ADAMTS5: variants seen among roughly 807,000 people sequenced by gnomAD.
ADAMTS5 encodes the protein ADAM metallopeptidase with thrombospondin type 1 motif 5, also known as A disintegrin and metalloproteinase with thrombospondin motifs 5.
Under a neutral mutation model 81.4 loss-of-function variants are expected in ADAMTS5, and 54 were observed. The observed-to-expected ratio is 0.66, with a 90% CI of 0.53 to 0.83. ADAMTS5 has a LOEUF of 0.83. ADAMTS5 is among the 40% of genes least tolerant of loss of function. The probability of loss-of-function intolerance (pLI) is 0.00; values close to 1 mark genes in which losing one functional copy is unlikely to be tolerated. For missense variants in ADAMTS5, 1,194 were observed against 1,229.9 expected (o/e 0.97, Z 0.44); for synonymous variants, 532 against 508.8 (o/e 1.05, Z -0.61).
chr21:26,926,296 C>T (rs1409274862), intron 7 of ADAMTS5, among the ~76,000 whole-genome samples: 1 of 152,154 alleles, frequency 6.6e-6, no homozygotes, highest in Non-Finnish European at 1.5e-5. Flanking sequence ...TAACATCTTA[C>T]ACAAAAAGAG....
At position 26,923,544 on chromosome 21, in the gene ADAMTS5, A is replaced by T. The variant is rs965073695; in HGVS notation, c.*509T>A. ...AAAATATCCACAGCTCTTTCTGGAA[A>T]CGGAAGGAAGTTGAAATAGCTGCAG... On this transcript the variant is annotated 3_prime_UTR_variant, in exon 8 of 8. Coordinates refer to ENST00000284987, the MANE Select transcript of ADAMTS5 (RefSeq NM_007038.5). The T allele has an allele frequency of 2.0e-5, 3 of 152,782 alleles. No individual in the cohort carries two copies. The highest frequency in any genetic ancestry group is 7.2e-5 in the African/African-American group (3 of 41,450). 9.5% of individuals were successfully genotyped at this position (152,782 alleles called of 1,614,324 possible). A position where few individuals can be genotyped will look rare whatever the true frequency, so the allele number is the denominator to read the frequency against.
At chr21:26,928,651 C>A (rs751988333) in intron 7 of ADAMTS5, among the ~76,000 whole-genome samples, 2 of 148,274 alleles carry the variant, frequency 1.3e-5, no homozygotes, top group African/African-American at 5.0e-5. Flanking sequence ...TTTCTCTTTC[C>A]TTTGTCTTTC....
In ADAMTS5 at chr21:26,919,783, C is replaced by G. The variant is rs1600993541; in HGVS notation, c.*4270G>C. ...ATTCTTAGGAAGATTTTTCAATGTACTAGCCAGTTAAGTTGATCTATCTGT... is the reference window on the plus strand; with the variant it reads ...ATTCTTAGGAAGATTTTTCAATGTAGTAGCCAGTTAAGTTGATCTATCTGT... On this transcript the variant is annotated 3_prime_UTR_variant, in exon 8 of 8. Transcript: ENST00000284987. The G allele has an allele frequency of 6.6e-6, 1 of 152,022 alleles. No homozygotes were observed. Among genetic ancestry groups the G allele is most frequent in the Non-Finnish European group, 1.5e-5 (1 of 67,984 alleles). The allele number at this position is 152,022 out of a possible 1,614,324, so 9.4% of individuals were successfully genotyped here.
chr21:26,943,263 A>C, intron 3 of ADAMTS5, 117 bp downstream of exon 3: 1 of 1,045,028 alleles, frequency 9.6e-7, no homozygotes, highest in East Asian at 2.6e-5. Flanking sequence ...TTCTGACACT[A>C]TCCACACAAC....
chr21:26,963,962 C>A (rs1011003977), intron 1 of ADAMTS5, among the ~76,000 whole-genome samples: 1 of 152,118 alleles, frequency 6.6e-6, no homozygotes, highest in Non-Finnish European at 1.5e-5. Flanking sequence ...TTTCTCTACT[C>A]CAAATTTATC....
At chr21:26,946,595 T>G (rs899193721) in intron 2 of ADAMTS5, among the ~76,000 whole-genome samples, 7 of 152,132 alleles carry the variant, frequency 4.6e-5, no homozygotes, top group Non-Finnish European at 8.8e-5. Flanking sequence ...GGTTTGGAGA[T>G]TAAGCATTTC....
chr21:26,933,989 G>A (rs162497), intron 4 of ADAMTS5, among the ~76,000 whole-genome samples: 47,177 of 152,024 alleles, frequency 0.31, 7,877 homozygotes, highest in South Asian at 0.41. Context: ...CGGAGCAGTC[G>A]TAAGTTACTT....
chr21:26,959,546 G>T (rs1382799430), intron 1 of ADAMTS5, among the ~76,000 whole-genome samples: 3 of 151,888 alleles, frequency 2.0e-5, no homozygotes, highest in African/African-American at 7.3e-5. Context: ...CTTATCTTTT[G>T]TATTCATAAT....
chr21:26,954,688 A>G, intron 2 of ADAMTS5, 51 bp downstream of exon 2: 1 of 1,598,170 alleles, frequency 6.3e-7, no homozygotes, highest in Non-Finnish European at 8.5e-7. Flanking sequence ...TTCCTGTTGC[A>G]GCTGTTACAA....
At chr21:26,964,955 C>T (rs1987607985) in intron 1 of ADAMTS5, among the ~76,000 whole-genome samples, 1 of 152,162 alleles carries the variant, frequency 6.6e-6, no homozygotes, top group African/African-American at 2.4e-5. Flanking sequence ...GTTTTCCTTC[C>T]TTTTCCCCAT....
chr21:26,931,988 G>C lies in ADAMTS5; in HGVS notation c.2049+16C>G. On this transcript the variant is annotated intron_variant, in intron 6 of 7. Transcript: ENST00000284987. ...CCAGTACGCCTACTGCTTCTGGACA[G>C]TTGGTGTGTAGTTACCTTTGGAGAA... The C allele has an allele frequency of 6.2e-7, 1 of 1,601,682 alleles. No homozygotes were observed. Among genetic ancestry groups the C allele is most frequent in the Non-Finnish European group, 8.5e-7 (1 of 1,173,178 alleles).
At position 26,966,514 on chromosome 21, in the gene ADAMTS5, T is replaced by G; in HGVS notation, c.-123A>C. Reference sequence around the variant, plus strand: ...CACTTGCTTGCAGGATTGAGTCAAGTGTCGGAGGGAGGGGGGCCCGGCAGC... The same window carrying G: ...CACTTGCTTGCAGGATTGAGTCAAGGGTCGGAGGGAGGGGGGCCCGGCAGC... On this transcript the variant is annotated 5_prime_UTR_variant, in exon 1 of 8. Coordinates refer to ENST00000284987, the MANE Select transcript of ADAMTS5 (RefSeq NM_007038.5). 1.2e-5 allele frequency: 11 copies of G among 952,810 alleles called. No homozygotes were observed. The highest frequency in any genetic ancestry group is 1.8e-5 in the African/African-American group (1 of 54,580). 59.0% of individuals were successfully genotyped at this position (952,810 alleles called of 1,614,324 possible).
At chr21:26,962,409 T>C (rs1162604757) in intron 1 of ADAMTS5, among the ~76,000 whole-genome samples, 1 of 152,182 alleles carries the variant, frequency 6.6e-6, no homozygotes, top group African/African-American at 2.4e-5. Context: ...GCCAGGAAAT[T>C]GACTGGTGCT....
rs9978597 is a variant in ADAMTS5, at chr21:26,921,824, T to G, written c.*2229A>C. On this transcript the variant is annotated 3_prime_UTR_variant, in exon 8 of 8. Coordinates refer to ENST00000284987, the MANE Select transcript of ADAMTS5 (RefSeq NM_007038.5). ...AAACCATCACTATTTGAGGGAAACA[T>G]GAATCATTGATAAACCATATTAAAA... 9,231 of 152,516 alleles carry G rather than the reference T, an allele frequency of 0.061. 351 individuals carry two copies. The highest frequency in any genetic ancestry group is 0.092 in the Middle Eastern group (27 of 294). The allele number at this position is 152,516 out of a possible 1,614,324, so 9.4% of individuals were successfully genotyped here. A position where few individuals can be genotyped will look rare whatever the true frequency, so the allele number is the denominator to read the frequency against.
At position 26,965,425 on chromosome 21, in the gene ADAMTS5, C is replaced by G. The variant is rs754004132; in HGVS notation, c.967G>C (p.Asp323His). 1 of 1,614,260 alleles carries G rather than the reference C, an allele frequency of 6.2e-7. No individual in the cohort carries two copies. The highest frequency in any genetic ancestry group is 1.7e-5 in the Admixed American group (1 of 60,034). Residue 323 changes from aspartate (D) to histidine (H), a missense_variant, in exon 1 of 8, where the codon GAC (aspartate) becomes CAC (histidine). Asp to His is a moderately conservative substitution (Grantham distance 81). Transcript: ENST00000284987. ...CTCACTTCCAGGCTCTTGTCCTTGT[C>G]GCCTAGCACCACCACCTTCACCACG... is the stretch of plus-strand genomic sequence containing the variant. ...LAVVKVVVLG[D>H]KDKSLEVSKN...
chr21:26,951,631 C>T (rs1987317857), intron 2 of ADAMTS5, among the ~76,000 whole-genome samples: 1 of 119,464 alleles, frequency 8.4e-6, no homozygotes, highest in Non-Finnish European at 1.6e-5. Context: ...GTGAGCTGAG[C>T]CTGCGCCATT....
intron 2 of ADAMTS5, among the ~76,000 whole-genome samples, chr21:26,945,326 C>T (rs1987194778): frequency 6.6e-6 from 1 of 152,108 alleles, no homozygotes; most frequent in Admixed American, 6.6e-5. Flanking sequence ...GTTTTTTCCT[C>T]TGGCATAGAA....
Position 26,965,399 on chromosome 21 carries a change from G to A in ADAMTS5, c.993C>T (p.Ser331=). Residue 331 remains serine, a synonymous_variant, in exon 1 of 8, where the codon AGC becomes AGT. Coordinates refer to ENST00000284987, the MANE Select transcript of ADAMTS5 (RefSeq NM_007038.5). ...TCTTGAGTGTGGTGGCAGCGTTCTTGCTCACTTCCAGGCTCTTGTCCTTGT... is the reference window on the plus strand; with the variant it reads ...TCTTGAGTGTGGTGGCAGCGTTCTTACTCACTTCCAGGCTCTTGTCCTTGT... ...LGDKDKSLEV[S]KNAATTLKNF... is the part of the protein sequence containing the mutation. 6.2e-7 allele frequency: 1 copy of A among 1,614,246 alleles called. No homozygotes were observed. The highest frequency in any genetic ancestry group is 8.5e-7 in the Non-Finnish European group (1 of 1,180,044).
Position 26,920,806 on chromosome 21 carries a change from A to C in ADAMTS5, c.*3247T>G, listed in dbSNP as rs927847962. 6.6e-6 allele frequency: 1 copy of C among 152,124 alleles called. No individual in the cohort carries two copies. Among genetic ancestry groups the C allele is most frequent in the African/African-American group, 2.4e-5 (1 of 41,442 alleles). The allele number at this position is 152,124 out of a possible 1,614,324, so 9.4% of individuals were successfully genotyped here. On this transcript the variant is annotated 3_prime_UTR_variant, in exon 8 of 8. Transcript: ENST00000284987. Reference sequence around the variant, plus strand: ...GTTAATGTGATGTAAAAAACCTATTATCATAGGCACAAGTAATGAACACTA... The same window carrying C: ...GTTAATGTGATGTAAAAAACCTATTCTCATAGGCACAAGTAATGAACACTA...
Sources: gnomAD v4.1 joint callset for allele counts (sites outside exome capture counted in the v4.1 genomes callset) on GRCh38, gnomAD v4.1.1 for gene constraint, MANE v1.5 for transcripts, NCBI Gene and HGNC (gene_info 2026-07-23, HGNC 2026-07-21) for gene names.